The following SHROOM3 variants were observed in gnomAD, a reference collection of about 807,000 sequenced individuals.
SHROOM3 encodes the protein protein Shroom3.
In SHROOM3, 47 loss-of-function variants were observed where a neutral mutation model predicts 138.6. The ratio of observed to expected loss-of-function variants is 0.34; its 90% CI spans 0.27 to 0.43. The LOEUF is 0.43. Ranked by LOEUF, SHROOM3 falls within the 20% of genes least tolerant of loss-of-function variation. SHROOM3 has a pLI of 1.00. For synonymous variants in SHROOM3, 1,062 were observed against 1,063.3 expected (o/e 1.00, Z 0.02); for missense variants, 2,491 against 2,596.5 (o/e 0.96, Z 0.88).
chr4:76,475,517 G>A (rs1291881576), intron 1 of SHROOM3, among the ~76,000 whole-genome samples: 2 of 152,228 alleles, frequency 1.3e-5, no homozygotes, highest in Non-Finnish European at 2.9e-5. Flanking sequence ...ACTTTAGTTA[G>A]TGGAAGAGTT....
At chr4:76,703,342 A>G (rs1027420380) in intron 2 of SHROOM3, among the ~76,000 whole-genome samples, 1 of 152,188 alleles carries the variant, frequency 6.6e-6, no homozygotes, top group African/African-American at 2.4e-5. Flanking sequence ...TAATGAGAGG[A>G]CAGGACCCAG....
intron 2 of SHROOM3, among the ~76,000 whole-genome samples, chr4:76,657,563 C>A (rs929625102): frequency 3.3e-5 from 5 of 152,170 alleles, no homozygotes; most frequent in Admixed American, 1.3e-4. Context: ...TTTATAATTG[C>A]TTTCTTTTGG....
At chr4:76,720,368 A>G (rs1005627357) in intron 3 of SHROOM3, among the ~76,000 whole-genome samples, 12 of 151,868 alleles carry the variant, frequency 7.9e-5, no homozygotes, top group African/African-American at 2.9e-4. Flanking sequence ...AATGCTTCAG[A>G]CCTTTTCTGT....
intron 1 of SHROOM3, among the ~76,000 whole-genome samples, chr4:76,521,279 T>TATATGTGTGTGTGTGTGCGCAC (rs1211354236): frequency 7.5e-4 from 58 of 77,680 alleles, no homozygotes; most frequent in Admixed American, 5.6e-3. Flanking sequence ...TGTGTGTATG[T>TATATGTGTGTGTGTGTGCGCAC]ATATGTGTGT....
chr4:76,595,510 T>C (rs1446151879), intron 2 of SHROOM3, among the ~76,000 whole-genome samples: 1 of 152,210 alleles, frequency 6.6e-6, no homozygotes, highest in East Asian at 1.9e-4. Flanking sequence ...CACAGAGTCT[T>C]GTCCAAACAA....
rs779579252 is a variant in SHROOM3 at position 76,739,503 on chromosome 4, C to A, written c.1330C>A (p.Pro444Thr). 1.9e-6 allele frequency: 3 copies of A among 1,614,096 alleles called. No homozygotes were observed. The highest frequency in any genetic ancestry group is 2.5e-6 in the Non-Finnish European group (3 of 1,179,978). The change falls in exon 5 of 11, where the codon CCC becomes ACC. Residue 444 changes from proline to threonine, a missense_variant. Physicochemically the swap from Pro to Thr is conservative, Grantham distance 38. Transcript: ENST00000296043. The stretch of plus-strand genomic sequence containing the variant: ...GCTGGAGAAGAGTCCAGAGAACAGC[C>A]CCCCAGTGAAGCCCAAGCATAACTA... ...TVLEKSPENS[P>T]PVKPKHNYTQ...
At chr4:76,446,925 C>T (rs1053413569) in intron 1 of SHROOM3, among the ~76,000 whole-genome samples, 5 of 152,202 alleles carry the variant, frequency 3.3e-5, no homozygotes, top group Admixed American at 1.3e-4. Context: ...GCTGTGTCCA[C>T]GCTCAATCTG....
intron 1 of SHROOM3, among the ~76,000 whole-genome samples, chr4:76,529,253 A>G (rs1168395199): frequency 6.6e-6 from 1 of 151,956 alleles, no homozygotes; most frequent in Non-Finnish European, 1.5e-5. Flanking sequence ...CCCTGTGGCC[A>G]TTGCTACTCT....
At chr4:76,690,860 T>C (rs1397859605) in intron 2 of SHROOM3, among the ~76,000 whole-genome samples, 2 of 152,148 alleles carry the variant, frequency 1.3e-5, no homozygotes, top group African/African-American at 2.4e-5. Flanking sequence ...CTTTTTTTTT[T>C]CTCCATTGCT....
At chr4:76,616,463 TACAC>T (rs537455570) in intron 2 of SHROOM3, among the ~76,000 whole-genome samples, 1 of 151,608 alleles carries the variant, frequency 6.6e-6, no homozygotes, top group African/African-American at 2.4e-5. Flanking sequence ...TTCATATGCA[TACAC>T]ACACACACAC....
intron 2 of SHROOM3, among the ~76,000 whole-genome samples, chr4:76,680,446 T>C (rs1205528067): frequency 1.3e-5 from 2 of 152,208 alleles, no homozygotes; most frequent in Admixed American, 6.5e-5. Context: ...GCCCGACCTA[T>C]ACCTTTTACA....
intron 1 of SHROOM3, among the ~76,000 whole-genome samples, chr4:76,530,301 G>A (rs1041618586): frequency 7.9e-5 from 12 of 152,122 alleles, no homozygotes; most frequent in African/African-American, 2.4e-4. Context: ...TACTTTTAGG[G>A]CATGGTTTTG....
chr4:76,506,929 A>G (rs1732223498), intron 1 of SHROOM3, among the ~76,000 whole-genome samples: 1 of 152,182 alleles, frequency 6.6e-6, no homozygotes, highest in Admixed American at 6.5e-5. Context: ...TGTAAAAATA[A>G]TGTACTCTAT....
intron 2 of SHROOM3, among the ~76,000 whole-genome samples, chr4:76,631,769 C>A (rs1450135753): frequency 6.6e-6 from 1 of 152,178 alleles, no homozygotes; most frequent in Non-Finnish European, 1.5e-5. Flanking sequence ...TTATTATCAA[C>A]TTTATTTCTT....
intron 2 of SHROOM3, among the ~76,000 whole-genome samples, chr4:76,674,554 CTTTTTTTTT>C (rs11312421): frequency 2.9e-3 from 296 of 103,290 alleles, no homozygotes; most frequent in African/African-American, 7.8e-3. Flanking sequence ...TCCTTCCTTC[CTTTTTTTTT>C]TTTTTTTTTT....
intron 1 of SHROOM3, among the ~76,000 whole-genome samples, chr4:76,498,864 A>T (rs1486714834): frequency 6.6e-6 from 1 of 152,172 alleles, no homozygotes; most frequent in African/African-American, 2.4e-5. Flanking sequence ...CCATGAAATT[A>T]AAGAAGGGGA....
intron 2 of SHROOM3, among the ~76,000 whole-genome samples, chr4:76,557,013 G>A (rs1350135934): frequency 3.9e-5 from 6 of 152,094 alleles, no homozygotes; most frequent in Non-Finnish European, 8.8e-5. Context: ...CATAGGCACC[G>A]GATTCAGACA....
At position 76,719,253 on chromosome 4, in the gene SHROOM3, A is replaced by C. The variant is rs532271851; in HGVS notation, c.455+8966A>C. Among the ~76,000 whole-genome samples, 3 of 152,356 alleles carry C rather than the reference A, an allele frequency of 2.0e-5. No homozygotes were observed. In the South Asian group the frequency reaches 6.2e-4, roughly 32 times the overall value. On this transcript the variant is annotated intron_variant, in intron 3 of 10. Coordinates refer to ENST00000296043, the MANE Select transcript of SHROOM3 (RefSeq NM_020859.4). ...GTGGAAAATAACACACCACCATGGAAGTGATTTCTCCTAAGTTTTAGCAAC... is the reference window on the plus strand; with the variant it reads ...GTGGAAAATAACACACCACCATGGACGTGATTTCTCCTAAGTTTTAGCAAC...
intron 1 of SHROOM3, among the ~76,000 whole-genome samples, chr4:76,497,022 A>G (rs1237634083): frequency 6.6e-6 from 1 of 152,258 alleles, no homozygotes; most frequent in Non-Finnish European, 1.5e-5. Flanking sequence ...CCTTACATAA[A>G]GAATGTGCTT....
Sources: gnomAD v4.1 joint callset for allele counts (sites outside exome capture counted in the v4.1 genomes callset) on GRCh38, gnomAD v4.1.1 for gene constraint, MANE v1.5 for transcripts, NCBI Gene and HGNC (gene_info 2026-07-23, HGNC 2026-07-21) for gene names.